C8A: variants seen among roughly 807,000 people sequenced by gnomAD.
C8A encodes complement C8 alpha chain.
C8A carries 67 observed loss-of-function variants against 65.3 expected under a neutral mutation model. The ratio of observed to expected loss-of-function variants is 1.03; its 90% CI spans 0.84 to 1.26. C8A has a LOEUF of 1.26. Ranked by LOEUF, C8A falls within the 50% of genes most tolerant of loss-of-function variation. C8A has a pLI of 0.00. For missense variants in C8A, 781 were observed against 723.9 expected, an observed-to-expected ratio of 1.08 and a Z score of -0.90; for synonymous variants, 290 against 259.4, an observed-to-expected ratio of 1.12 and a Z score of -1.13.
chr1:56,906,450 T>G (rs1305379616), intron 7 of C8A, among the ~76,000 whole-genome samples: 1 of 152,206 alleles, frequency 6.6e-6, no homozygotes, highest in Admixed American at 6.5e-5. Context: ...TTTTACCAAC[T>G]AGTATGTGCA....
intron 2 of C8A, 94 bp from the exon 3 acceptor site, chr1:56,874,855 T>G (rs1570322636): frequency 3.7e-6 from 5 of 1,369,368 alleles, no homozygotes; most frequent in Non-Finnish European, 5.1e-6. Flanking sequence ...ATTAGATAAT[T>G]ATTTCTTATG....
At chr1:56,894,688 T>C (rs1379975169) in intron 7 of C8A, among the ~76,000 whole-genome samples, 2 of 152,184 alleles carry the variant, frequency 1.3e-5, no homozygotes, top group Non-Finnish European at 2.9e-5. Flanking sequence ...CTCCCTGCCT[T>C]CCTGTATTTC....
At chr1:56,861,763 TG>T (rs1382186664) in intron 1 of C8A, among the ~76,000 whole-genome samples, 2 of 152,202 alleles carry the variant, frequency 1.3e-5, no homozygotes, top group African/African-American at 4.8e-5. Context: ...GGAATCTCCA[TG>T]TAACTGGATG....
chr1:56,910,179 G>A (rs1644494975), intron 9 of C8A, among the ~76,000 whole-genome samples: 1 of 152,200 alleles, frequency 6.6e-6, no homozygotes, highest in Non-Finnish European at 1.5e-5. Context: ...GAGTTCAGCA[G>A]TGCTTATTTA....
In C8A at chr1:56,874,978, C is replaced by G; in HGVS notation, c.201C>G (p.Asn67Lys). ...GACACCGGAGCCTCTTGCAGCCAAA[C>G]AAGTTTGGGGGAACCATCTGCAGTG... Reference protein sequence around the residue: ...KYRHRSLLQPNKFGGTICSGD... With the variant: ...KYRHRSLLQPKKFGGTICSGD... The change falls in exon 3 of 11, where the codon AAC (asparagine) becomes AAG (lysine). Residue 67 changes from asparagine (N) to lysine (K), a missense_variant. Asn to Lys is a moderately conservative substitution (Grantham distance 94, BLOSUM62 0). Transcript: ENST00000361249. The G allele has an allele frequency of 6.2e-7, 1 of 1,613,756 alleles. No individual in the cohort carries two copies. Among genetic ancestry groups the G allele is most frequent in the Non-Finnish European group, 8.5e-7 (1 of 1,179,822 alleles).
At chr1:56,885,329 A>AATATATATTT (rs1553175583) in intron 6 of C8A, among the ~76,000 whole-genome samples, 2 of 124,316 alleles carry the variant, frequency 1.6e-5, no homozygotes, top group African/African-American at 3.8e-5. Context: ...TATTTATTTA[A>AATATATATTT]ATATATATTT....
At chr1:56,907,369 T>C (rs1260492203) in intron 8 of C8A, among the ~76,000 whole-genome samples, 2 of 152,140 alleles carry the variant, frequency 1.3e-5, no homozygotes, top group Non-Finnish European at 2.9e-5. Context: ...ATTAATCAGG[T>C]TCAAGCTATT....
At chr1:56,887,856 C>A (rs894947415) in intron 7 of C8A, among the ~76,000 whole-genome samples, 1 of 152,090 alleles carries the variant, frequency 6.6e-6, no homozygotes, top group African/African-American at 2.4e-5. Flanking sequence ...AACTGGAAAC[C>A]ATCATTCTCA....
At chr1:56,876,338 A>T in intron 4 of C8A, 129 bp downstream of exon 4, 2 of 1,086,650 alleles carry the variant, frequency 1.8e-6, no homozygotes, top group South Asian at 1.3e-5. Flanking sequence ...AGCTGCTCTC[A>T]TTGTCCCCAG....
intron 2 of C8A, among the ~76,000 whole-genome samples, chr1:56,868,174 C>G (rs776217393): frequency 6.6e-6 from 1 of 151,830 alleles, no homozygotes; most frequent in Non-Finnish European, 1.5e-5. Context: ...CTTTGCCTAT[C>G]TAAATGGTTT....
chr1:56,872,214 G>A (rs1395448577), intron 2 of C8A, among the ~76,000 whole-genome samples: 1 of 152,112 alleles, frequency 6.6e-6, no homozygotes, highest in East Asian at 1.9e-4. Flanking sequence ...CAATGAAGTG[G>A]AATTATAAGC....
chr1:56,882,236 G>T (rs931766629), intron 5 of C8A, among the ~76,000 whole-genome samples: 1 of 152,008 alleles, frequency 6.6e-6, no homozygotes, highest in African/African-American at 2.4e-5. Context: ...ATCAGTCAAG[G>T]GCCTACTCAT....
chr1:56,883,223 CTGTG>C (rs3835681), intron 5 of C8A, among the ~76,000 whole-genome samples: 32 of 150,332 alleles, frequency 2.1e-4, no homozygotes, highest in African/African-American at 5.4e-4. Flanking sequence ...TCATCTGCAT[CTGTG>C]TGTGTGTGTG....
intron 6 of C8A, 27 bp downstream of exon 6, chr1:56,883,708 A>G (rs763735165): frequency 6.3e-7 from 1 of 1,576,860 alleles, no homozygotes. Flanking sequence ...TCTGTGTCTC[A>G]CAGTATTCCA....
chr1:56,906,607 A>G (rs751130118), intron 7 of C8A, 60 bp from the exon 8 acceptor site: 14 of 1,603,134 alleles, frequency 8.7e-6, no homozygotes, highest in Non-Finnish European at 8.5e-6. Context: ...ACATAGTTGT[A>G]CCATGTCAAG....
chr1:56,857,725 C>A (rs1039885268), intron 1 of C8A, among the ~76,000 whole-genome samples: 3 of 151,666 alleles, frequency 2.0e-5, no homozygotes, highest in African/African-American at 7.3e-5. Context: ...TTTTTTTGGG[C>A]CATCTTTTAG....
intron 7 of C8A, among the ~76,000 whole-genome samples, chr1:56,901,597 A>G (rs916029047): frequency 6.6e-6 from 1 of 152,148 alleles, no homozygotes; most frequent in Non-Finnish European, 1.5e-5. Context: ...GCAATCCAGC[A>G]TCCCACTACC....
chr1:56,885,866 C>A, intron 6 of C8A, 61 bp from the exon 7 acceptor site: 1 of 1,610,938 alleles, frequency 6.2e-7, no homozygotes, highest in Non-Finnish European at 8.5e-7. Context: ...TGCATTATTT[C>A]TAATGGTAAA....
At chr1:56,869,687 A>G (rs1259262643) in intron 2 of C8A, among the ~76,000 whole-genome samples, 1 of 152,080 alleles carries the variant, frequency 6.6e-6, no homozygotes, top group African/African-American at 2.4e-5. Flanking sequence ...TTATGTTTTG[A>G]TTTTTTAATT....
Sources: allele counts gnomAD v4.1 joint callset (sites outside exome capture counted in the v4.1 genomes callset), GRCh38; gene constraint gnomAD v4.1.1; transcripts MANE v1.5; gene names NCBI Gene and HGNC (gene_info 2026-07-23, HGNC 2026-07-21).